The following KCNK2 variants were observed in gnomAD, a reference collection of about 807,000 sequenced individuals.
KCNK2 encodes the protein potassium two pore domain channel subfamily K member 2.
A neutral mutation model predicts 40.5 loss-of-function variants in KCNK2; 21 were observed. That is an observed-to-expected ratio of 0.52 (90% CI 0.37 to 0.75). KCNK2 has a LOEUF of 0.75. KCNK2 is among the 30% of genes least tolerant of loss of function. KCNK2 has a pLI of 0.00. For synonymous variants in KCNK2, 191 were observed against 202.2 expected (o/e 0.94, Z 0.47); for missense variants, 399 against 531.6 (o/e 0.75, Z 2.45).
At chr1:215,215,736 C>T (rs1326482287) in intron 6 of KCNK2, among the ~76,000 whole-genome samples, 2 of 152,112 alleles carry the variant, frequency 1.3e-5, no homozygotes, top group Non-Finnish European at 2.9e-5. Flanking sequence ...TTTATCCTTA[C>T]ATTCAGAGGC....
At chr1:215,090,480 C>T (rs1659645670) in intron 2 of KCNK2, among the ~76,000 whole-genome samples, 1 of 152,146 alleles carries the variant, frequency 6.6e-6, no homozygotes, top group African/African-American at 2.4e-5. Flanking sequence ...GTTCTCTGTA[C>T]ATATAGCATA....
chr1:215,020,930 C>T (rs61820009), intron 1 of KCNK2, among the ~76,000 whole-genome samples: 1,532 of 152,238 alleles, frequency 0.01, 25 homozygotes, highest in South Asian at 0.074. Flanking sequence ...TATAAGTCTC[C>T]TGGTCTGCCT....
intron 5 of KCNK2, among the ~76,000 whole-genome samples, chr1:215,185,182 G>A (rs985435271): frequency 1.3e-5 from 2 of 151,594 alleles, no homozygotes; most frequent in Non-Finnish European, 2.9e-5. Flanking sequence ...AGAAATATAC[G>A]TTAATTATAA....
intron 1 of KCNK2, among the ~76,000 whole-genome samples, chr1:215,043,018 A>G (rs1172352999): frequency 2.0e-5 from 3 of 151,824 alleles, no homozygotes; most frequent in African/African-American, 7.3e-5. Context: ...TGTATTCCCT[A>G]CTCTCCAGGT....
rs369988744 is a variant in KCNK2, at chr1:215,047,788, T to G, written c.35-38580T>G. ...ATCAATCATATTTTCCCTTAACAAT[T>G]TTTACATGGAATGAAATATTTCAAT... On this transcript the variant is annotated intron_variant, in intron 1 of 6. Transcript: ENST00000391895. 9.5e-4 allele frequency among the ~76,000 whole-genome samples: 144 copies of G among 152,300 alleles called. 5 individuals are homozygous for G. The South Asian group carries it at 0.029, about 31-fold the overall frequency.
intron 5 of KCNK2, among the ~76,000 whole-genome samples, chr1:215,194,631 C>T (rs1664790602): frequency 1.3e-5 from 2 of 152,052 alleles, no homozygotes; most frequent in Non-Finnish European, 1.5e-5. Flanking sequence ...GAAAAAGAAA[C>T]TTAGTACACA....
chr1:215,070,657 A>G (rs1343855699), intron 1 of KCNK2, among the ~76,000 whole-genome samples: 1 of 152,082 alleles, frequency 6.6e-6, no homozygotes, highest in Non-Finnish European at 1.5e-5. Flanking sequence ...CCGTGATTCA[A>G]TTATCTCCCA....
intron 3 of KCNK2, among the ~76,000 whole-genome samples, chr1:215,162,237 T>C (rs996352537): frequency 6.6e-6 from 1 of 152,252 alleles, no homozygotes; most frequent in African/African-American, 2.4e-5. Context: ...GAGAAGTGTA[T>C]GTTCATATCC....
In KCNK2 at chr1:215,032,459, T is replaced by G. The variant is rs113509950; in HGVS notation, c.34+26504T>G. Among the ~76,000 whole-genome samples, 1,247 of 152,212 alleles carry G rather than the reference T, an allele frequency of 8.2e-3. 17 individuals carry two copies. Among genetic ancestry groups the G allele is most frequent in the African/African-American group, 0.028 (1,174 of 41,522 alleles). ...TAAACTTTTTTTTTATAATTTTACC[T>G]TCACTTATTCTTTCACTTAAACTCT... is the stretch of plus-strand genomic sequence containing the variant. On this transcript the variant is annotated intron_variant, in intron 1 of 6. Transcript: ENST00000391895.
chr1:215,070,687 CAT>C (rs909084043), intron 1 of KCNK2, among the ~76,000 whole-genome samples: 1 of 152,090 alleles, frequency 6.6e-6, no homozygotes, highest in African/African-American at 2.4e-5. Flanking sequence ...TCCCATGACA[CAT>C]GGGAATTATG....
chr1:215,082,838 G>C lies in KCNK2; in HGVS notation c.-548G>C, dbSNP rs1350208447. On this transcript the variant is annotated 5_prime_UTR_variant, in exon 1 of 7. Transcript: ENST00000444842. Reference sequence around the variant, plus strand: ...GACCGTGCCACACACCCCCCGCGGGGCACGGAGGGCATTGCGGGGGGAGAC... The same window carrying C: ...GACCGTGCCACACACCCCCCGCGGGCCACGGAGGGCATTGCGGGGGGAGAC... 6.6e-6 allele frequency among the ~76,000 whole-genome samples: 1 copy of C among 151,986 alleles called. No individual in the cohort carries two copies. The highest frequency in any genetic ancestry group is 2.4e-5 in the African/African-American group (1 of 41,406).
At chr1:215,196,303 C>A (rs1274816628) in intron 6 of KCNK2, among the ~76,000 whole-genome samples, 1 of 151,958 alleles carries the variant, frequency 6.6e-6, no homozygotes, top group Non-Finnish European at 1.5e-5. Context: ...CCAGGCTGGT[C>A]TAGAACTCCT....
intron 2 of KCNK2, among the ~76,000 whole-genome samples, chr1:215,105,361 C>T (rs767174618): frequency 2.6e-4 from 39 of 152,106 alleles, no homozygotes; most frequent in Non-Finnish European, 4.6e-4. Flanking sequence ...GTTTACTTAG[C>T]GTAGTATTAT....
At chr1:215,021,537 CTTTTTTT>C (rs538476962) in intron 1 of KCNK2, among the ~76,000 whole-genome samples, 15 of 96,326 alleles carry the variant, frequency 1.6e-4, no homozygotes, top group Admixed American at 9.6e-4. Flanking sequence ...GGACAACCAT[CTTTTTTT>C]TTTTTTTTTT....
intron 3 of KCNK2, among the ~76,000 whole-genome samples, chr1:215,142,794 A>ATT (rs916351868): frequency 6.7e-6 from 1 of 149,290 alleles, no homozygotes; most frequent in African/African-American, 2.5e-5. Context: ...ATGAAGAAAT[A>ATT]TTTTTTTTTT....
In KCNK2 at chr1:215,194,327, G is replaced by C. The variant is rs142226524; in HGVS notation, c.824-626G>C. On this transcript the variant is annotated intron_variant, in intron 5 of 6. Transcript: ENST00000444842. ...CTTGAGAGCTACGGTTTTATTTTAT[G>C]ACAGTCATGGGAATTTCTCAGAAAA... Among the ~76,000 whole-genome samples the C allele has an allele frequency of 3.7e-3, 569 of 152,038 alleles. 4 individuals are homozygous for C. The highest frequency in any genetic ancestry group is 0.013 in the African/African-American group (551 of 41,496).
chr1:215,097,434 A>C (rs1229474671), intron 2 of KCNK2, among the ~76,000 whole-genome samples: 2 of 151,680 alleles, frequency 1.3e-5, no homozygotes, highest in African/African-American at 4.8e-5. Context: ...TTTCTTAAAA[A>C]AAAAAAATTA....
At chr1:215,022,592 T>C (rs11120467) in intron 1 of KCNK2, among the ~76,000 whole-genome samples, 4,652 of 152,202 alleles carry the variant, frequency 0.031, 238 homozygotes, top group African/African-American at 0.11. Flanking sequence ...GGGCACAGGA[T>C]ATTTTTTTAA....
At chr1:215,021,326 G>T (rs1451240284) in intron 1 of KCNK2, among the ~76,000 whole-genome samples, 1 of 152,052 alleles carries the variant, frequency 6.6e-6, no homozygotes, top group Non-Finnish European at 1.5e-5. Flanking sequence ...CTGGGTTAAG[G>T]GTTACCCAGA....
Sources: allele counts gnomAD v4.1 joint callset (sites outside exome capture counted in the v4.1 genomes callset), GRCh38; gene constraint gnomAD v4.1.1; transcripts MANE v1.5; gene names NCBI Gene and HGNC (gene_info 2026-07-23, HGNC 2026-07-21).